TGFB1I1: variants seen among roughly 807,000 people sequenced by gnomAD.
The protein encoded by TGFB1I1 is transforming growth factor beta-1-induced transcript 1 protein.
Under a neutral mutation model 52.0 loss-of-function variants are expected in TGFB1I1, and 33 were observed. That is an observed-to-expected ratio of 0.63 (90% CI 0.48 to 0.85). TGFB1I1 has a LOEUF of 0.85. TGFB1I1 is among the 40% of genes least tolerant of loss of function. The pLI is 0.00. For synonymous variants in TGFB1I1, 236 were observed against 253.3 expected (o/e 0.93, Z 0.65); for missense variants, 577 against 614.9 (o/e 0.94, Z 0.65).
rs565693413 is a variant in TGFB1I1, at chr16:31,477,015, G to A, written c.1119+5G>A. The A allele has an allele frequency of 6.4e-7, 1 of 1,572,438 alleles. No individual in the cohort carries two copies. Among genetic ancestry groups the A allele is most frequent in the South Asian group, 1.1e-5 (1 of 87,068 alleles). On this transcript the variant is annotated splice_donor_5th_base_variant and intron_variant, in intron 10 of 10. Coordinates refer to ENST00000394863, the MANE Select transcript of TGFB1I1 (RefSeq NM_001042454.3). The surrounding 1 kb of genome is among the most constrained non-coding windows in gnomAD (Gnocchi z 4.7). ...CCGGACTGTTTCGTCTGCAGGGTGC[G>A]AGCTGCGGGGCGGGGCGTTGGAGGG...
In TGFB1I1 at chr16:31,477,229, G is replaced by A; in HGVS notation, c.1120-81G>A. ...GTCTAGGGCGGGCTGCGGGGTCCCA[G>A]GGCGTTATCCGCTAGTAACGCGCGT... On this transcript the variant is annotated intron_variant, in intron 10 of 10. Coordinates refer to ENST00000394863, the MANE Select transcript of TGFB1I1 (RefSeq NM_001042454.3). The surrounding 1 kb of genome is among the most constrained non-coding windows in gnomAD (Gnocchi z 4.7). The A allele has an allele frequency of 6.5e-7, 1 of 1,530,482 alleles. No individual in the cohort carries two copies. The highest frequency in any genetic ancestry group is 1.3e-5 in the South Asian group (1 of 78,540). The allele number at this position is 1,530,482 out of a possible 1,614,324, so 94.8% of individuals were successfully genotyped here.
chr16:31,474,587 C>G lies in TGFB1I1; in HGVS notation c.544C>G (p.Pro182Ala), dbSNP rs1454875330. Residue 182 changes from proline to alanine, a missense_variant, in exon 7 of 11, where the codon CCA becomes GCA. This residue lies in a region of TGFB1I1 where 456 missense variants were observed against 461.6 expected (regional missense o/e 0.99). Coordinates refer to ENST00000394863, the MANE Select transcript of TGFB1I1 (RefSeq NM_001042454.3). The surrounding 1 kb of genome is among the most constrained non-coding windows in gnomAD (Gnocchi z 4.2). ...GCTTCCAGCCTCTGGGCCAACTCAG[C>G]CACCGGTGGTGAGCTCCACAAATGA... ...NHLPASGPTQPPVVSSTNEGS... is the reference protein window; with the variant it reads ...NHLPASGPTQAPVVSSTNEGS... 6.2e-7 allele frequency: 1 copy of G among 1,608,286 alleles called. No homozygotes were observed. Among genetic ancestry groups the G allele is most frequent in the African/African-American group, 1.3e-5 (1 of 74,800 alleles).
At position 31,472,447 on chromosome 16, in the gene TGFB1I1, G is replaced by C. The variant is rs548900672; in HGVS notation, c.13+246G>C. 5.4e-6 allele frequency: 4 copies of C among 736,062 alleles called. No homozygotes were observed. The East Asian group carries it at 1.4e-4, about 27-fold the overall frequency. 45.6% of individuals were successfully genotyped at this position (736,062 alleles called of 1,614,324 possible). A position where few individuals can be genotyped will look rare whatever the true frequency, so the allele number is the denominator to read the frequency against. ...TCCCAGGCTGCGGCAGATGGAACGG[G>C]AGGTGCGGCGCCCGCGGGCGCCCGG... On this transcript the variant is annotated intron_variant, in intron 1 of 10. Transcript: ENST00000394863.
Position 31,476,757 on chromosome 16 carries a change from A to G in TGFB1I1, c.971-105A>G, listed in dbSNP as rs866792386. Reference sequence around the variant, plus strand: ...CATAGACCCGGCTCCTCCTTCCCCAAGGCTCCCTCGGACTGCCCCTCCTTC... The same window carrying G: ...CATAGACCCGGCTCCTCCTTCCCCAGGGCTCCCTCGGACTGCCCCTCCTTC... On this transcript the variant is annotated intron_variant, in intron 9 of 10. Transcript: ENST00000394863. This position sits in a 1 kb window ranked among gnomAD's most constrained non-coding sequence, Gnocchi z 7.6. The G allele has an allele frequency of 4.1e-5, 64 of 1,548,860 alleles. No homozygotes were observed. In the Middle Eastern group the frequency reaches 1.8e-3, roughly 45 times the overall value.
chr16:31,474,116 G>T lies in TGFB1I1; in HGVS notation c.326-36G>T, dbSNP rs1336006791. ...TCAAGTGTGAGGGTGCGTTGAGCAT[G>T]GCCCTATATGTAGCGTCCTCCTCTC... On this transcript the variant is annotated intron_variant, in intron 4 of 10. Coordinates refer to ENST00000394863, the MANE Select transcript of TGFB1I1 (RefSeq NM_001042454.3). This position sits in a 1 kb window ranked among gnomAD's most constrained non-coding sequence, Gnocchi z 4.2. The T allele has an allele frequency of 3.1e-6, 5 of 1,612,118 alleles. No individual in the cohort carries two copies. In the South Asian group the frequency reaches 5.5e-5, roughly 18 times the overall value.
intron 7 of TGFB1I1, chr16:31,475,016 T>C: frequency 2.1e-6 from 1 of 487,030 alleles, no homozygotes. Context: ...CAAACCCTCA[T>C]CTCATCTGAT....
chr16:31,475,907 T>C (rs1302130410), intron 7 of TGFB1I1, 105 bp from the exon 8 acceptor site: 1 of 1,241,300 alleles, frequency 8.1e-7, no homozygotes, highest in Non-Finnish European at 1.1e-6. Flanking sequence ...CTGGATTCTT[T>C]ATTCTGATCG....
Position 31,476,839 on chromosome 16 carries a change from G to A in TGFB1I1, c.971-23G>A. The stretch of plus-strand genomic sequence containing the variant: ...GTCCCGCCCGCACCCTTTGCTTTCA[G>A]CCCACTCGGTTCCCTCTCCTAGGTT... On this transcript the variant is annotated intron_variant, in intron 9 of 10. Transcript: ENST00000394863. The surrounding 1 kb of genome is among the most constrained non-coding windows in gnomAD (Gnocchi z 7.6). The A allele has an allele frequency of 6.2e-7, 1 of 1,611,512 alleles. No homozygotes were observed.
At position 31,474,132 on chromosome 16, in the gene TGFB1I1, T is replaced by C; in HGVS notation, c.326-20T>C. The C allele has an allele frequency of 1.2e-6, 2 of 1,613,452 alleles. No individual in the cohort carries two copies. Among genetic ancestry groups the C allele is most frequent in the Non-Finnish European group, 1.7e-6 (2 of 1,179,646 alleles). ...GTTGAGCATGGCCCTATATGTAGCG[T>C]CCTCCTCTCCTCTCTCCAGATGAAA... On this transcript the variant is annotated intron_variant, in intron 4 of 10. Coordinates refer to ENST00000394863, the MANE Select transcript of TGFB1I1 (RefSeq NM_001042454.3). This position sits in a 1 kb window ranked among gnomAD's most constrained non-coding sequence, Gnocchi z 4.2.
rs552601080 is a variant in TGFB1I1 at position 31,474,242 on chromosome 16, G to T, written c.413+3G>T. ...GAAGATAAGAAAAGACCCAGCCTGT[G>T]AGTTTGGCGTCGTTGTCAGGGCTGA... On this transcript the variant is annotated splice_donor_region_variant and intron_variant, in intron 5 of 10. Transcript: ENST00000394863. The surrounding 1 kb of genome is among the most constrained non-coding windows in gnomAD (Gnocchi z 4.2). The T allele has an allele frequency of 6.2e-7, 1 of 1,614,172 alleles. No individual in the cohort carries two copies. The highest frequency in any genetic ancestry group is 1.1e-5 in the South Asian group (1 of 91,076).
At chr16:31,473,309 T>C in intron 1 of TGFB1I1, 132 bp from the exon 2 acceptor site, 1 of 1,446,570 alleles carries the variant, frequency 6.9e-7, no homozygotes, top group South Asian at 1.4e-5. Context: ...AGCAGTGCTC[T>C]GCCTGGCTCT....
rs1190051874 is a variant in TGFB1I1 at position 31,477,325 on chromosome 16, TTC to T, written c.1138_1139del (p.Ser380GlyfsTer?). On this transcript the variant is annotated frameshift_variant, in exon 11 of 11. Coordinates refer to ENST00000394863, the MANE Select transcript of TGFB1I1 (RefSeq NM_001042454.3). LOFTEE classifies it high-confidence loss of function. This position sits in a 1 kb window ranked among gnomAD's most constrained non-coding sequence, Gnocchi z 4.7. ...CCTTCCCCAGGAATGCTTCGCGCCC[TTC>T]TCGGGAGGCAGCTTTTTCGAGCACG... ...CFVCRECFAP[F>X]SGGSFFEHEG... The T allele has an allele frequency of 8.7e-6, 14 of 1,609,648 alleles. No homozygotes were observed. The highest frequency in any genetic ancestry group is 1.2e-5 in the Non-Finnish European group (14 of 1,177,662).
Position 31,477,758 on chromosome 16 carries a change from A to C in TGFB1I1, c.*182A>C. 2.6e-6 allele frequency: 2 copies of C among 756,254 alleles called. No individual in the cohort carries two copies. Among genetic ancestry groups the C allele is most frequent in the Non-Finnish European group, 4.1e-6 (2 of 490,486 alleles). The allele number at this position is 756,254 out of a possible 1,614,324, so 46.8% of individuals were successfully genotyped here. On this transcript the variant is annotated 3_prime_UTR_variant, in exon 11 of 11. Coordinates refer to ENST00000394863, the MANE Select transcript of TGFB1I1 (RefSeq NM_001042454.3). This position sits in a 1 kb window ranked among gnomAD's most constrained non-coding sequence, Gnocchi z 4.7. ...ACGGCCCAGCCAGACCTAAACCCAC[A>C]CGCCCACAAAGTGGATTGCACACAG...
At position 31,476,896 on chromosome 16, in the gene TGFB1I1, C is replaced by T. The variant is rs776990166; in HGVS notation, c.1005C>T (p.Arg335=). ...FHEREGRPYC[R]RDFLQLFAPR... Reference sequence around the variant, plus strand: ...AGCGCGAGGGCCGCCCCTACTGCCGCCGGGACTTCCTGCAGCTGTTCGCCC... The same window carrying T: ...AGCGCGAGGGCCGCCCCTACTGCCGTCGGGACTTCCTGCAGCTGTTCGCCC... The change falls in exon 10 of 11, where the codon CGC becomes CGT. Residue 335 remains arginine, a synonymous_variant. Coordinates refer to ENST00000394863, the MANE Select transcript of TGFB1I1 (RefSeq NM_001042454.3). The surrounding 1 kb of genome is among the most constrained non-coding windows in gnomAD (Gnocchi z 7.6). 2.1e-5 allele frequency: 34 copies of T among 1,610,226 alleles called. 1 individual carries two copies. The highest frequency in any genetic ancestry group is 2.5e-5 in the Non-Finnish European group (29 of 1,179,540).
At chr16:31,472,444 C>A (rs774613256) in intron 1 of TGFB1I1, 2 of 627,262 alleles carry the variant, frequency 3.2e-6, no homozygotes, top group Non-Finnish European at 4.2e-6. Flanking sequence ...GCAGATGGAA[C>A]GGGAGGTGCG....
In TGFB1I1 at chr16:31,476,993, G is replaced by A. The variant is rs200203563; in HGVS notation, c.1102G>A (p.Asp368Asn). The A allele has an allele frequency of 4.2e-5, 66 of 1,588,932 alleles. No homozygotes were observed. The Middle Eastern group carries it at 8.5e-4, about 21-fold the overall frequency. Residue 368 changes from aspartate (D) to asparagine (N), a missense_variant, in exon 10 of 11, where the codon GAC becomes AAC. Transcript: ENST00000394863. This position sits in a 1 kb window ranked among gnomAD's most constrained non-coding sequence, Gnocchi z 7.6. Reference sequence around the variant, plus strand: ...GGCGCTCAGCGCGCTCTGGCACCCGGACTGTTTCGTCTGCAGGGTGCGAGC... The same window carrying A: ...GGCGCTCAGCGCGCTCTGGCACCCGAACTGTTTCGTCTGCAGGGTGCGAGC... ...ISALSALWHP[D>N]CFVCRECFAP...
rs1180599824 is a variant in TGFB1I1 at position 31,477,466 on chromosome 16, C to G, written c.1276C>G (p.Pro426Ala). The change falls in exon 11 of 11, where the codon CCG (proline) becomes GCG (alanine). Residue 426 changes from proline to alanine, a missense_variant. By Grantham distance (27) the Pro-to-Ala change is conservative. Around this residue, in one of 3 missense-constraint regions of TGFB1I1, gnomAD observed 456 missense variants for 461.6 expected, o/e 0.99. Transcript: ENST00000394863. The surrounding 1 kb of genome is among the most constrained non-coding windows in gnomAD (Gnocchi z 4.7). ...GTCGGCCCTGGGTCGCCGCTTCCAC[C>G]CGGACCACTTCACATGCACCTTCTG... ...CVSALGRRFH[P>A]DHFTCTFCLR... is the part of the protein sequence containing the mutation. 4 of 1,602,342 alleles carry G rather than the reference C, an allele frequency of 2.5e-6. No individual in the cohort carries two copies. The highest frequency in any genetic ancestry group is 3.4e-6 in the Non-Finnish European group (4 of 1,175,016).
At position 31,474,715 on chromosome 16, in the gene TGFB1I1, CA is replaced by C; in HGVS notation, c.675del (p.Gly226AlafsTer15). On this transcript the variant is annotated frameshift_variant, in exon 7 of 11. Coordinates refer to ENST00000394863, the MANE Select transcript of TGFB1I1 (RefSeq NM_001042454.3). LOFTEE classifies it high-confidence loss of function. The surrounding 1 kb of genome is among the most constrained non-coding windows in gnomAD (Gnocchi z 4.2). Reference sequence around the variant, plus strand: ...GCCGCCGGGGTGTTCCCACCCAGGCCAAAGGCCTCTGTGGCTCCTGCAATAA... The same window carrying C: ...GCCGCCGGGGTGTTCCCACCCAGGCCAAGGCCTCTGTGGCTCCTGCAATAA... ...LSRRGVPTQA[K>X]GLCGSCNKPI... The C allele has an allele frequency of 6.2e-7, 1 of 1,612,446 alleles. No homozygotes were observed. The highest frequency in any genetic ancestry group is 1.7e-5 in the Admixed American group (1 of 59,784).
rs183580641 is a variant in TGFB1I1, at chr16:31,473,058, T to C, written c.14-383T>C. 1.5e-3 allele frequency: 517 copies of C among 338,318 alleles called. 1 individual carries two copies. The highest frequency in any genetic ancestry group is 1.3e-3 in the East Asian group (9 of 6,784). The allele number at this position is 338,318 out of a possible 1,614,324, so 21.0% of individuals were successfully genotyped here. The stretch of plus-strand genomic sequence containing the variant: ...GTGGCCAGGCTGGGCGGGGCCTGTG[T>C]AGGTAGAGGGAGGAGTTAACCAGCA... On this transcript the variant is annotated intron_variant, in intron 1 of 10. Coordinates refer to ENST00000394863, the MANE Select transcript of TGFB1I1 (RefSeq NM_001042454.3).
Sources: allele counts gnomAD v4.1 joint callset, GRCh38; gene constraint gnomAD v4.1.1; regional missense constraint gnomAD v4.1.1; non-coding constraint Gnocchi (gnomAD v3.1); transcripts MANE v1.5; gene names NCBI Gene and HGNC (gene_info 2026-07-23, HGNC 2026-07-21).